CD2AP: variants seen among roughly 807,000 people sequenced by gnomAD.
CD2AP encodes the protein CD2 associated protein, also known as CD2-associated protein.
Under a neutral mutation model 85.1 loss-of-function variants are expected in CD2AP, and 46 were observed. The observed-to-expected ratio is 0.54, with a 90% CI of 0.43 to 0.69. The LOEUF is 0.69. Ranked by LOEUF, CD2AP falls within the 30% of genes least tolerant of loss-of-function variation. The probability of loss-of-function intolerance (pLI) is 0.00; values close to 1 mark genes in which losing one functional copy is unlikely to be tolerated. For missense variants in CD2AP, 769 were observed against 729.5 expected (o/e 1.05, Z -0.62); for synonymous variants, 255 against 252.9 (o/e 1.01, Z -0.08).
At chr6:47,533,551 A>G in intron 2 of CD2AP, 51 bp from the exon 3 acceptor site, 1 of 1,545,064 alleles carries the variant, frequency 6.5e-7, no homozygotes, top group Non-Finnish European at 8.9e-7. Flanking sequence ...TGAGGATTTA[A>G]TATAAAAAAT....
At chr6:47,541,584 C>A (rs1181711212) in intron 3 of CD2AP, among the ~76,000 whole-genome samples, 1 of 152,152 alleles carries the variant, frequency 6.6e-6, no homozygotes, top group Admixed American at 6.5e-5. Flanking sequence ...CTGTTTTGTA[C>A]CTTTCCATGC....
At chr6:47,606,794 T>C (rs1288975684) in intron 14 of CD2AP, among the ~76,000 whole-genome samples, 1 of 152,104 alleles carries the variant, frequency 6.6e-6, no homozygotes, top group African/African-American at 2.4e-5. Context: ...CATCACGTCA[T>C]GAATTTATCT....
intron 17 of CD2AP, among the ~76,000 whole-genome samples, chr6:47,621,753 C>G (rs1769751294): frequency 2.0e-5 from 3 of 152,076 alleles, no homozygotes; most frequent in Admixed American, 2.0e-4. Flanking sequence ...ATCTCTAATT[C>G]TTCCTGATTT....
chr6:47,573,568 A>G (rs986861056), intron 5 of CD2AP, among the ~76,000 whole-genome samples: 4 of 142,802 alleles, frequency 2.8e-5, no homozygotes, highest in African/African-American at 1.1e-4. Context: ...GGCTCACTGC[A>G]AGCTCCACCT....
At chr6:47,490,618 G>C (rs1041496939) in intron 1 of CD2AP, among the ~76,000 whole-genome samples, 2 of 151,986 alleles carry the variant, frequency 1.3e-5, no homozygotes, top group African/African-American at 4.8e-5. Flanking sequence ...TTTTAGAACT[G>C]TCTCAGGTAA....
chr6:47,602,195 A>G (rs1339476198), intron 13 of CD2AP, among the ~76,000 whole-genome samples: 5 of 152,044 alleles, frequency 3.3e-5, no homozygotes, highest in Non-Finnish European at 4.4e-5. Context: ...TTGTACATGT[A>G]AGAAAGACAT....
rs1169031552 is a variant in CD2AP, at chr6:47,626,432, T to G, written c.*2205T>G. The G allele has an allele frequency of 1.4e-5, 2 of 139,554 alleles. No homozygotes were observed. Among genetic ancestry groups the G allele is most frequent in the Non-Finnish European group, 3.3e-5 (2 of 60,774 alleles). 8.6% of individuals were successfully genotyped at this position (139,554 alleles called of 1,614,324 possible). A position where few individuals can be genotyped will look rare whatever the true frequency, so the allele number is the denominator to read the frequency against. On this transcript the variant is annotated 3_prime_UTR_variant, in exon 18 of 18. Transcript: ENST00000359314. ...ACAAAATGATATTTAATAATAACCT[T>G]GGGGTAAATCATGAATTTTTTTTCT...
chr6:47,624,053 G>A, intron 17 of CD2AP, 133 bp from the exon 18 acceptor site: 1 of 732,396 alleles, frequency 1.4e-6, no homozygotes, highest in East Asian at 2.7e-5. Flanking sequence ...TTATAGCATG[G>A]GAAACTGGAT....
rs1768319967 is a variant in CD2AP at position 47,576,577 on chromosome 6, A to C, written c.783A>C (p.Lys261Asn). The C allele has an allele frequency of 6.2e-7, 1 of 1,612,022 alleles. No individual in the cohort carries two copies. Among genetic ancestry groups the C allele is most frequent in the African/African-American group, 1.3e-5 (1 of 74,870 alleles). ...AAACTCAGAGTGTGGAGATAACAAA[A>C]ACAGATACCGAAGGTAAAATTAAAG... ...GPKTQSVEIT[K>N]TDTEGKIKAK... The change falls in exon 7 of 18, where the codon AAA becomes AAC. Residue 261 changes from lysine to asparagine, a missense_variant. Transcript: ENST00000359314.
intron 5 of CD2AP, among the ~76,000 whole-genome samples, chr6:47,559,421 G>A (rs1767791154): frequency 6.6e-6 from 1 of 151,950 alleles, no homozygotes; most frequent in Non-Finnish European, 1.5e-5. Context: ...ATGATGCACA[G>A]CTAATTAAAA....
chr6:47,517,582 G>A (rs1766486457), intron 2 of CD2AP, among the ~76,000 whole-genome samples: 1 of 152,158 alleles, frequency 6.6e-6, no homozygotes, highest in African/African-American at 2.4e-5. Flanking sequence ...AAGCCACCGC[G>A]CCTGGCCCTA....
In CD2AP at chr6:47,609,983, T is replaced by G. The variant is rs768956910; in HGVS notation, c.1814+679T>G. On this transcript the variant is annotated intron_variant, in intron 16 of 17. Coordinates refer to ENST00000359314, the MANE Select transcript of CD2AP (RefSeq NM_012120.3). ...TGATCACTGTTTCTGTGAGGTTGAG[T>G]TGGACATTTATAAAATGAATGTGTT... Among the ~76,000 whole-genome samples the G allele has an allele frequency of 6.6e-5, 10 of 152,290 alleles. No homozygotes were observed. The South Asian group carries it at 1.5e-3, about 22-fold the overall frequency.
At chr6:47,611,230 A>C (rs1335760989) in intron 16 of CD2AP, among the ~76,000 whole-genome samples, 2 of 151,550 alleles carry the variant, frequency 1.3e-5, no homozygotes, top group African/African-American at 4.8e-5. Context: ...GCAGGTCAGA[A>C]GCATACACGC....
chr6:47,527,201 G>A (rs1320035816), intron 2 of CD2AP, among the ~76,000 whole-genome samples: 2 of 152,044 alleles, frequency 1.3e-5, no homozygotes, highest in Admixed American at 6.5e-5. Context: ...GAAATCCTAC[G>A]TGTGGTAGGC....
intron 8 of CD2AP, 103 bp from the exon 9 acceptor site, chr6:47,579,282 T>C: frequency 2.8e-6 from 2 of 718,052 alleles, no homozygotes; most frequent in Non-Finnish European, 4.9e-6. Context: ...CTGCAGTGAG[T>C]CATGATCGCA....
chr6:47,599,471 A>C, intron 13 of CD2AP, 28 bp downstream of exon 13: 1 of 1,598,182 alleles, frequency 6.3e-7, no homozygotes. Flanking sequence ...GCGGTGGTGC[A>C]TTTAAAAAAA....
intron 2 of CD2AP, among the ~76,000 whole-genome samples, chr6:47,532,758 A>G (rs1379739024): frequency 6.6e-6 from 1 of 152,196 alleles, no homozygotes; most frequent in African/African-American, 2.4e-5. Context: ...AAATTTAGAA[A>G]CAGCTTATTA....
rs1423939517 is a variant in CD2AP at position 47,607,937 on chromosome 6, G to A, written c.1541G>A (p.Ser514Asn). The stretch of plus-strand genomic sequence containing the variant: ...TAAAAAATCATTTAGCCAACTCACA[G>A]CCCCGAAAAAATCTTGAAGTTACCA... Reference protein sequence around the residue: ...RFNGGHSPTHSPEKILKLPKE... With the variant: ...RFNGGHSPTHNPEKILKLPKE... The change falls in exon 15 of 18, where the codon AGC (serine) becomes AAC (asparagine). Residue 514 changes from serine to asparagine, a missense_variant. Ser to Asn is a conservative substitution (Grantham distance 46, BLOSUM62 1). Transcript: ENST00000359314. 2 of 1,611,514 alleles carry A rather than the reference G, an allele frequency of 1.2e-6. No homozygotes were observed. Among genetic ancestry groups the A allele is most frequent in the Non-Finnish European group, 8.5e-7 (1 of 1,178,384 alleles).
At chr6:47,489,252 C>G (rs1043181028) in intron 1 of CD2AP, 2 of 150,818 alleles carry the variant, frequency 1.3e-5, no homozygotes, top group African/African-American at 4.9e-5. Context: ...ACTGCAACCT[C>G]CACCTCCTGG....
Sources: allele counts gnomAD v4.1 joint callset (sites outside exome capture counted in the v4.1 genomes callset), GRCh38; gene constraint gnomAD v4.1.1; transcripts MANE v1.5; gene names NCBI Gene and HGNC (gene_info 2026-07-23, HGNC 2026-07-21).